The following DIP2C variants were observed in gnomAD, a reference collection of about 807,000 sequenced individuals.
DIP2C encodes the protein disco-interacting protein 2 homolog C.
DIP2C carries 33 observed loss-of-function variants against 192.4 expected under a neutral mutation model. That is an observed-to-expected ratio of 0.17 (90% confidence interval 0.13 to 0.23). The LOEUF (loss-of-function observed/expected upper bound fraction) is 0.23, where lower values mean the gene tolerates loss of function less well. Ranked by LOEUF, DIP2C falls within the 10% of genes least tolerant of loss-of-function variation. The pLI is 1.00. For missense variants in DIP2C, 1,537 were observed against 2,110.1 expected (o/e 0.73, Z 5.32); for synonymous variants, 979 against 864.1 (o/e 1.13, Z -2.33).
At chr10:380,288 G>T (rs1962238403) in intron 17 of DIP2C, among the ~76,000 whole-genome samples, 1 of 150,866 alleles carries the variant, frequency 6.6e-6, no homozygotes, top group Non-Finnish European at 1.5e-5. Context: ...CCTGGATGAT[G>T]GTTAACACGC....
chr10:344,915 T>C lies in DIP2C; in HGVS notation c.3347A>G (p.Asp1116Gly). ...RTWPLILDTDDLPKKRPAQIC... is the reference protein window; with the variant it reads ...RTWPLILDTDGLPKKRPAQIC... The stretch of plus-strand genomic sequence containing the variant: ...CTGGGCAGGCCGCTTCTTTGGCAAA[T>C]CATCTGGAGAGGAACATGACTATCA... Residue 1116 changes from aspartate (D) to glycine (G), a missense_variant, in exon 28 of 37, where the codon GAT becomes GGT. By Grantham distance (94) the Asp-to-Gly change is moderately conservative. Around this residue, in one of 4 missense-constraint regions of DIP2C, gnomAD observed 677 missense variants for 989.9 expected, o/e 0.68. Coordinates refer to ENST00000280886, the MANE Select transcript of DIP2C (RefSeq NM_014974.3). 6.2e-7 allele frequency: 1 copy of C among 1,606,238 alleles called. No homozygotes were observed. Among genetic ancestry groups the C allele is most frequent in the Non-Finnish European group, 8.5e-7 (1 of 1,177,252 alleles).
At chr10:578,251 T>C (rs1850303417) in intron 1 of DIP2C, among the ~76,000 whole-genome samples, 1 of 152,214 alleles carries the variant, frequency 6.6e-6, no homozygotes, top group Admixed American at 6.5e-5. Context: ...ACTGTTTATA[T>C]TCACAACACT....
At chr10:342,245 G>A (rs544579223) in intron 28 of DIP2C, among the ~76,000 whole-genome samples, 8 of 151,750 alleles carry the variant, frequency 5.3e-5, no homozygotes, top group Non-Finnish European at 7.4e-5. Flanking sequence ...TGCAAACTCC[G>A]CCTCCCAGGT....
intron 35 of DIP2C, among the ~76,000 whole-genome samples, chr10:282,348 C>T (rs1220451204): frequency 6.6e-6 from 1 of 152,210 alleles, no homozygotes; most frequent in Non-Finnish European, 1.5e-5. Context: ...GCAGTAGCCT[C>T]AAACTAGTCT....
At chr10:315,820 A>G (rs930100996) in intron 31 of DIP2C, among the ~76,000 whole-genome samples, 1 of 152,122 alleles carries the variant, frequency 6.6e-6, no homozygotes, top group African/African-American at 2.4e-5. Flanking sequence ...TGTTAGACCC[A>G]CGGGCCTCAG....
At chr10:544,731 T>TC (rs951991285) in intron 1 of DIP2C, among the ~76,000 whole-genome samples, 138 of 152,328 alleles carry the variant, frequency 9.1e-4, no homozygotes, top group African/African-American at 2.9e-3. Context: ...TATGTATCTT[T>TC]CTTTGGAGAA....
chr10:584,176 A>T (rs1850836350), intron 1 of DIP2C, among the ~76,000 whole-genome samples: 2 of 152,086 alleles, frequency 1.3e-5, no homozygotes, highest in Non-Finnish European at 2.9e-5. Flanking sequence ...CAAAACATCA[A>T]CTATGCAGAC....
intron 4 of DIP2C, 127 bp from the exon 5 acceptor site, chr10:423,160 C>T (rs1564694233): frequency 1.1e-6 from 1 of 906,496 alleles, no homozygotes; most frequent in East Asian, 2.6e-5. Flanking sequence ...TTTTGATACA[C>T]TCTTGAGAAG....
At chr10:455,130 G>T (rs1224996647) in intron 3 of DIP2C, among the ~76,000 whole-genome samples, 1 of 152,216 alleles carries the variant, frequency 6.6e-6, no homozygotes, top group Non-Finnish European at 1.5e-5. Context: ...CAGCAGAGCA[G>T]GAAGACGTAG....
At chr10:486,334 G>A (rs1367585448) in intron 2 of DIP2C, 125 bp downstream of exon 2, 1 of 804,434 alleles carries the variant, frequency 1.2e-6, no homozygotes, top group Non-Finnish European at 2.0e-6. Flanking sequence ...ATGCCTGGAG[G>A]GTGAACGCCA....
chr10:423,087 A>C, intron 4 of DIP2C, 54 bp from the exon 5 acceptor site: 2 of 1,485,290 alleles, frequency 1.3e-6, no homozygotes, highest in Non-Finnish European at 1.8e-6. Context: ...CGTGCACCAC[A>C]ATCTCAGTCC....
chr10:508,171 G>A (rs968471770), intron 1 of DIP2C, among the ~76,000 whole-genome samples: 5 of 152,076 alleles, frequency 3.3e-5, no homozygotes, highest in Non-Finnish European at 5.9e-5. Flanking sequence ...GCTCACCACC[G>A]CGATTCAGTC....
Position 356,608 on chromosome 10 carries a change from G to A in DIP2C, c.2905-102C>T, listed in dbSNP as rs1959095529. 3.2e-6 allele frequency: 3 copies of A among 937,928 alleles called. No individual in the cohort carries two copies. The East Asian group carries it at 7.5e-5, about 23-fold the overall frequency. The allele number at this position is 937,928 out of a possible 1,614,324, so 58.1% of individuals were successfully genotyped here. On this transcript the variant is annotated intron_variant, in intron 23 of 36. Coordinates refer to ENST00000280886, the MANE Select transcript of DIP2C (RefSeq NM_014974.3). ...ATACTCAAACCCATAGAGGCTGAGT[G>A]CTTTGGGTCTTAAAACCGCATGCTT...
At chr10:530,691 G>C (rs1404304588) in intron 1 of DIP2C, among the ~76,000 whole-genome samples, 1 of 144,714 alleles carries the variant, frequency 6.9e-6, no homozygotes, top group African/African-American at 2.5e-5. Context: ...TACTAACATA[G>C]TAATGAAAAG....
At chr10:489,633 T>A (rs113538870) in intron 1 of DIP2C, among the ~76,000 whole-genome samples, 1 of 144,506 alleles carries the variant, frequency 6.9e-6, no homozygotes, top group Non-Finnish European at 1.5e-5. Context: ...GCTTCCTCCA[T>A]TTCACACTAG....
At chr10:577,618 C>T (rs1044074718) in intron 1 of DIP2C, among the ~76,000 whole-genome samples, 2 of 152,132 alleles carry the variant, frequency 1.3e-5, no homozygotes, top group Non-Finnish European at 2.9e-5. Flanking sequence ...TGCCATCAGC[C>T]TGCTGCTTAT....
chr10:329,828 C>G (rs1175841367), intron 29 of DIP2C, among the ~76,000 whole-genome samples: 1 of 152,200 alleles, frequency 6.6e-6, no homozygotes, highest in Non-Finnish European at 1.5e-5. Context: ...GCAGTTCCTA[C>G]CACTTTGAAC....
At chr10:354,082 T>C (rs139047460) in intron 24 of DIP2C, among the ~76,000 whole-genome samples, 2 of 152,130 alleles carry the variant, frequency 1.3e-5, no homozygotes, top group African/African-American at 2.4e-5. Context: ...TGGCGCAAAA[T>C]AACACAAGCA....
intron 2 of DIP2C, 34 bp downstream of exon 2, chr10:486,425 G>T (rs534119816): frequency 5.1e-6 from 8 of 1,555,274 alleles, no homozygotes; most frequent in African/African-American, 4.1e-5. Context: ...TGCGGGAAAT[G>T]AGAGGACTCA....
Sources: gnomAD v4.1 joint callset for allele counts (sites outside exome capture counted in the v4.1 genomes callset) on GRCh38, gnomAD v4.1.1 for gene constraint, gnomAD v4.1.1 regional missense constraint, MANE v1.5 for transcripts, NCBI Gene and HGNC (gene_info 2026-07-23, HGNC 2026-07-21) for gene names.